ARHGEF11: variants seen among roughly 807,000 people sequenced by gnomAD.
ARHGEF11 encodes Rho guanine exchange factor (GEF) 11.
In ARHGEF11, 55 loss-of-function variants were observed where a neutral mutation model predicts 193.7. That is an observed-to-expected ratio of 0.28 (90% CI 0.23 to 0.36). ARHGEF11 has a LOEUF of 0.36. Among genes scored for constraint, ARHGEF11 ranks in the 10% least tolerant of loss-of-function variants. ARHGEF11 has a pLI of 1.00. For synonymous variants in ARHGEF11, 693 were observed against 768.0 expected, an observed-to-expected ratio of 0.90 and a Z score of 1.62; for missense variants, 1,723 against 2,005.6, an observed-to-expected ratio of 0.86 and a Z score of 2.69.
intron 33 of ARHGEF11, 123 bp downstream of exon 33, chr1:156,942,567 C>A: frequency 1.2e-6 from 1 of 843,374 alleles, no homozygotes; most frequent in Admixed American, 2.3e-5. Context: ...CACTTCCTTC[C>A]CAACCCCTTG....
At chr1:156,956,284 T>G in intron 19 of ARHGEF11, 136 bp downstream of exon 19, 1 of 896,204 alleles carries the variant, frequency 1.1e-6, no homozygotes, top group Non-Finnish European at 1.7e-6. Context: ...GCTGGACTAA[T>G]TTTTGTATTT....
At chr1:157,035,539 G>C (rs1671811366) in intron 1 of ARHGEF11, among the ~76,000 whole-genome samples, 1 of 151,812 alleles carries the variant, frequency 6.6e-6, no homozygotes, top group Non-Finnish European at 1.5e-5. Flanking sequence ...CCGAGTAGCT[G>C]GGATTACAGG....
chr1:156,942,614 TACCC>T, intron 33 of ARHGEF11, 72 bp downstream of exon 33: 1 of 1,381,648 alleles, frequency 7.2e-7, no homozygotes, highest in Non-Finnish European at 1.0e-6. Context: ...CTGGCCTTGC[TACCC>T]ACTGTCCTCA....
rs767761818 is a variant in ARHGEF11, at chr1:156,940,379, T to G, written c.3561A>C (p.Leu1187=). Residue 1187 remains leucine (L), a synonymous_variant, in exon 36 of 41, where the codon CTA becomes CTC. Transcript: ENST00000368194. ...QRVQGKHQVL[L]EDPEQEGSAE... ...CACTGCCCTCCTGCTCAGGGTCCTC[T>G]AGCAGGACCTGGTGCTTCCCTTGGA... 6.8e-6 allele frequency: 11 copies of G among 1,613,006 alleles called. No individual in the cohort carries two copies. The highest frequency in any genetic ancestry group is 2.2e-5 in the South Asian group (2 of 90,836).
In ARHGEF11 at chr1:156,939,678, G is replaced by A; in HGVS notation, c.3966C>T (p.Leu1322=). ...TTGGGGGTAGGTGTTCCAGAGAACAGAGACCCATGTCTTCCTGCTCTGGCC... is the reference window on the plus strand; with the variant it reads ...TTGGGGGTAGGTGTTCCAGAGAACAAAGACCCATGTCTTCCTGCTCTGGCC... The part of the protein sequence containing the change: ...GERPEQEDMG[L]CSLEHLPPRT... The change falls in exon 37 of 41, where the codon CTC becomes CTT. Residue 1322 remains leucine, a synonymous_variant. Transcript: ENST00000368194. The A allele has an allele frequency of 6.2e-7, 1 of 1,614,064 alleles. No individual in the cohort carries two copies. Among genetic ancestry groups the A allele is most frequent in the South Asian group, 1.1e-5 (1 of 91,088 alleles).
intron 6 of ARHGEF11, among the ~76,000 whole-genome samples, chr1:156,977,726 T>C (rs1469332632): frequency 6.6e-6 from 1 of 152,204 alleles, no homozygotes; most frequent in East Asian, 1.9e-4. Flanking sequence ...TACTTGTTTT[T>C]GTCCTTTTCT....
chr1:156,936,034 C>T lies in ARHGEF11; in HGVS notation c.4655G>A (p.Ser1552Asn), dbSNP rs201600990. The T allele has an allele frequency of 5.0e-6, 8 of 1,613,974 alleles. No homozygotes were observed. In the African/African-American group the frequency reaches 9.3e-5, roughly 19 times the overall value. Reference sequence around the variant, plus strand: ...TGGTGACGCGGCTGCGTCTGCTGTGCTGTCTTCCAGGGGGGCGTCAGAGCC... The same window carrying T: ...TGGTGACGCGGCTGCGTCTGCTGTGTTGTCTTCCAGGGGGGCGTCAGAGCC... ...EDGSDAPLED[S>N]TADAAASPGP The change falls in exon 41 of 41, where the codon AGC becomes AAC. Residue 1552 changes from serine to asparagine, a missense_variant. Physicochemically the swap from Ser to Asn is conservative, Grantham distance 46. This residue lies in a region of ARHGEF11 where 360 missense variants were observed against 344.4 expected (regional missense o/e 1.05). Transcript: ENST00000368194.
chr1:157,046,659 C>G (rs952727797), upstream of ARHGEF11, among the ~76,000 whole-genome samples: 6 of 152,144 alleles, frequency 3.9e-5, no homozygotes, highest in Non-Finnish European at 7.3e-5. Flanking sequence ...TATGGAAGAG[C>G]CTTTCCAGAG....
In ARHGEF11 at chr1:156,959,109, C is replaced by G; in HGVS notation, c.1316G>C (p.Gly439Ala). The G allele has an allele frequency of 6.2e-7, 1 of 1,614,212 alleles. No individual in the cohort carries two copies. The highest frequency in any genetic ancestry group is 1.1e-5 in the South Asian group (1 of 91,086). ...TGCCTCTTGAGCTTCACAGAGAACA[C>G]CACGGGCATCTTCGCTGTTCCGCAG... Reference protein sequence around the residue: ...SRLRNSEDARGVLCEAQEAAM... With the variant: ...SRLRNSEDARAVLCEAQEAAM... Residue 439 changes from glycine to alanine, a missense_variant, in exon 16 of 41, where the codon GGT (glycine) becomes GCT (alanine). Gly to Ala is a moderately conservative substitution (Grantham distance 60, BLOSUM62 0). This residue lies in a region of ARHGEF11 where 646 missense variants were observed against 710.7 expected (regional missense o/e 0.91). Coordinates refer to ENST00000368194, the MANE Select transcript of ARHGEF11 (RefSeq NM_198236.3).
chr1:156,941,315 C>G (rs1394575060), intron 35 of ARHGEF11, 57 bp downstream of exon 35: 3 of 1,573,214 alleles, frequency 1.9e-6, no homozygotes, highest in Non-Finnish European at 8.7e-7. Flanking sequence ...CACACCCAAC[C>G]TGTGCCTACA....
chr1:157,012,309 T>A (rs746508690), intron 1 of ARHGEF11, among the ~76,000 whole-genome samples: 15 of 152,150 alleles, frequency 9.9e-5, no homozygotes, highest in Non-Finnish European at 1.9e-4. Flanking sequence ...AGTAGATTAA[T>A]GGCTAACTGG....
intron 29 of ARHGEF11, chr1:156,945,423 G>A: frequency 1.8e-6 from 1 of 547,592 alleles, no homozygotes; most frequent in South Asian, 2.3e-5. Flanking sequence ...GACGCTGATA[G>A]CTCCTGGGAA....
Position 156,944,071 on chromosome 1 carries a change from T to C in ARHGEF11, c.3099A>G (p.Leu1033=), listed in dbSNP as rs1375022268. 2.2e-5 allele frequency: 36 copies of C among 1,614,046 alleles called. No individual in the cohort carries two copies. Among genetic ancestry groups the C allele is most frequent in the Non-Finnish European group, 3.1e-5 (36 of 1,179,956 alleles). ...TCTCATCCTGTTTCTGTAGCAGCAC[T>C]AGGAGGTCCTCCAGCAGCAGCACGT... ...DLHVLLLEDL[L]VLLQKQDEKL... The change falls in exon 32 of 41, where the codon CTA becomes CTG. Residue 1033 remains leucine (L), a synonymous_variant. Coordinates refer to ENST00000368194, the MANE Select transcript of ARHGEF11 (RefSeq NM_198236.3).
At position 156,937,511 on chromosome 1, in the gene ARHGEF11, A is replaced by G; in HGVS notation, c.4193-15T>C. 1.3e-6 allele frequency: 2 copies of G among 1,513,252 alleles called. No individual in the cohort carries two copies. Among genetic ancestry groups the G allele is most frequent in the South Asian group, 2.7e-5 (2 of 74,784 alleles). 93.7% of individuals were successfully genotyped at this position (1,513,252 alleles called of 1,614,324 possible). On this transcript the variant is annotated splice_polypyrimidine_tract_variant and intron_variant, in intron 38 of 40. Coordinates refer to ENST00000368194, the MANE Select transcript of ARHGEF11 (RefSeq NM_198236.3). ...AAAGCAGTTCCCTGTCCCCACAGTA[A>G]GAGAATGAGATCAGGAGGCAAACAG...
In ARHGEF11 at chr1:156,978,310, TC is replaced by T; in HGVS notation, c.403del (p.Asp135ThrfsTer13). 6.2e-7 allele frequency: 1 copy of T among 1,613,902 alleles called. No individual in the cohort carries two copies. The highest frequency in any genetic ancestry group is 8.5e-7 in the Non-Finnish European group (1 of 1,179,948). On this transcript the variant is annotated frameshift_variant, in exon 6 of 41. Transcript: ENST00000368194. LOFTEE classifies it high-confidence loss of function. ...SSMGISGLQQDPSPAGAPRIT... is the reference protein window; with the variant it reads ...SSMGISGLQQXPSPAGAPRIT... ...TCGGGGAGCTCCTGCTGGGGATGGG[TC>T]CTGCTGGAGCCCAGAGATGCCCATG...
chr1:157,000,853 G>T (rs1032082019), intron 1 of ARHGEF11, among the ~76,000 whole-genome samples: 26 of 152,292 alleles, frequency 1.7e-4, no homozygotes, highest in Non-Finnish European at 2.5e-4. Context: ...GCTGTAATGG[G>T]GGGCAGAAGT....
chr1:157,000,648 G>A (rs72700731), intron 1 of ARHGEF11, among the ~76,000 whole-genome samples: 2,415 of 152,292 alleles, frequency 0.016, 36 homozygotes, highest in Non-Finnish European at 0.021. Flanking sequence ...GGTGGCAGAG[G>A]AAAGTTAGTG....
intron 8 of ARHGEF11, among the ~76,000 whole-genome samples, chr1:156,970,598 A>T (rs1429850338): frequency 2.0e-5 from 3 of 152,234 alleles, no homozygotes; most frequent in Admixed American, 2.0e-4. Context: ...AGAGATCTTA[A>T]GTAACTTGCC....
In ARHGEF11 at chr1:156,969,130, G is replaced by A. The variant is rs1662154718; in HGVS notation, c.825+152C>T. 6.4e-5 allele frequency: 40 copies of A among 627,094 alleles called. 1 individual carries two copies. The South Asian group carries it at 8.5e-4, about 13-fold the overall frequency. 38.8% of individuals were successfully genotyped at this position (627,094 alleles called of 1,614,324 possible). On this transcript the variant is annotated intron_variant, in intron 10 of 40. Coordinates refer to ENST00000368194, the MANE Select transcript of ARHGEF11 (RefSeq NM_198236.3). ...TGGATGCATCTGAAATTTCTGCTTT[G>A]GAACCCAGAGCACAGTGATTATATC... is the stretch of plus-strand genomic sequence containing the variant.
Sources: gnomAD v4.1 joint callset for allele counts (sites outside exome capture counted in the v4.1 genomes callset) on GRCh38, gnomAD v4.1.1 for gene constraint, gnomAD v4.1.1 regional missense constraint, MANE v1.5 for transcripts, NCBI Gene and HGNC (gene_info 2026-07-23, HGNC 2026-07-21) for gene names.